The following FTH1 variants were observed in gnomAD, a reference collection of about 807,000 sequenced individuals.
The protein encoded by FTH1 is ferritin heavy chain.
A neutral mutation model predicts 21.8 loss-of-function variants in FTH1; 3 were observed. The observed-to-expected ratio is 0.14, with a 90% CI of 0.06 to 0.36. The LOEUF is 0.36. Among genes scored for constraint, FTH1 ranks in the 10% least tolerant of loss-of-function variants. FTH1 has a pLI of 1.00. For missense variants in FTH1, 147 were observed against 225.8 expected, an observed-to-expected ratio of 0.65 and a Z score of 2.24; for synonymous variants, 83 against 90.1, an observed-to-expected ratio of 0.92 and a Z score of 0.45.
chr11:61,965,545 T>C, intron 1 of FTH1, 30 bp from the exon 2 acceptor site: 3 of 1,599,146 alleles, frequency 1.9e-6, no homozygotes, highest in South Asian at 1.1e-5. Flanking sequence ...TGTGTTATAC[T>C]AGGGATCCCC....
intron 2 of FTH1, 30 bp from the exon 3 acceptor site, chr11:61,965,142 C>G: frequency 6.2e-7 from 1 of 1,602,614 alleles, no homozygotes; most frequent in Non-Finnish European, 8.5e-7. Flanking sequence ...TGCATCTCTA[C>G]CAACTAACCT....
At chr11:61,966,872 T>C (rs1172878319) in intron 1 of FTH1, 1 of 157,924 alleles carries the variant, frequency 6.3e-6, no homozygotes, top group Non-Finnish European at 1.4e-5. Flanking sequence ...TTCGACACCG[T>C]TACCCAGCAG....
Position 61,967,530 on chromosome 11 carries a change from G to C in FTH1, c.-105C>G. On this transcript the variant is annotated 5_prime_UTR_variant, in exon 1 of 4. Transcript: ENST00000273550. ...GAGGGTGCGGTGAAGAGGTGACGGAGGGCTGGCTATGGGCGGCCGGCCGGG... is the reference window on the plus strand; with the variant it reads ...GAGGGTGCGGTGAAGAGGTGACGGACGGCTGGCTATGGGCGGCCGGCCGGG... 1 of 823,648 alleles carries C rather than the reference G, an allele frequency of 1.2e-6. No homozygotes were observed. The highest frequency in any genetic ancestry group is 2.0e-6 in the Non-Finnish European group (1 of 500,684). The allele number at this position is 823,648 out of a possible 1,614,324, so 51.0% of individuals were successfully genotyped here. A position where few individuals can be genotyped will look rare whatever the true frequency, so the allele number is the denominator to read the frequency against.
chr11:61,964,396 A>C lies in FTH1; in HGVS notation c.*331T>G. The C allele has an allele frequency of 6.1e-6, 4 of 654,904 alleles. No homozygotes were observed. Among genetic ancestry groups the C allele is most frequent in the Non-Finnish European group, 1.0e-5 (4 of 389,468 alleles). 40.6% of individuals were successfully genotyped at this position (654,904 alleles called of 1,614,324 possible). ...GTCGGGAACCCTTAGTTCTATCTGA[A>C]TCCAAGACAGCCACACCTTAGTATA... is the stretch of plus-strand genomic sequence containing the variant. On this transcript the variant is annotated 3_prime_UTR_variant, in exon 4 of 4. Coordinates refer to ENST00000273550, the MANE Select transcript of FTH1 (RefSeq NM_002032.3).
In FTH1 at chr11:61,965,079, T is replaced by C; in HGVS notation, c.295A>G (p.Asn99Asp). The change falls in exon 3 of 4, where the codon AAT (asparagine) becomes GAT (aspartate). Residue 99 changes from asparagine to aspartate, a missense_variant. Coordinates refer to ENST00000273550, the MANE Select transcript of FTH1 (RefSeq NM_002032.3). ...AAATGTAATGCACACTCCATTGCATTCAGCCCGCTCTCCCAGTCATCACAG... is the reference window on the plus strand; with the variant it reads ...AAATGTAATGCACACTCCATTGCATCCAGCCCGCTCTCCCAGTCATCACAG... Reference protein sequence around the residue: ...PDCDDWESGLNAMECALHLEK... With the variant: ...PDCDDWESGLDAMECALHLEK... The C allele has an allele frequency of 6.2e-7, 1 of 1,608,008 alleles. No individual in the cohort carries two copies. The highest frequency in any genetic ancestry group is 8.5e-7 in the Non-Finnish European group (1 of 1,179,978).
chr11:61,964,702 G>A lies in FTH1; in HGVS notation c.*25C>T, dbSNP rs756494937. On this transcript the variant is annotated 3_prime_UTR_variant, in exon 4 of 4. Coordinates refer to ENST00000273550, the MANE Select transcript of FTH1 (RefSeq NM_002032.3). The stretch of plus-strand genomic sequence containing the variant: ...TTGGTGACCAGGGAAGTCACCCCAC[G>A]GCTATGGGGAAATTAGCCCGAGGCT... The A allele has an allele frequency of 1.0e-5, 16 of 1,597,000 alleles. No homozygotes were observed. Among genetic ancestry groups the A allele is most frequent in the African/African-American group, 9.4e-5 (7 of 74,834 alleles).
At position 61,964,367 on chromosome 11, in the gene FTH1, CAG is replaced by C. The variant is rs1331995822; in HGVS notation, c.*358_*359del. 1.3e-6 allele frequency: 1 copy of C among 773,548 alleles called. No homozygotes were observed. Among genetic ancestry groups the C allele is most frequent in the Non-Finnish European group, 2.0e-6 (1 of 496,036 alleles). 47.9% of individuals were successfully genotyped at this position (773,548 alleles called of 1,614,324 possible). On this transcript the variant is annotated 3_prime_UTR_variant, in exon 4 of 4. Transcript: ENST00000273550. Reference sequence around the variant, plus strand: ...AAACATTTAACTCAGACTCTGGATTCAGAGTCGGGAACCCTTAGTTCTATCTG... The same window carrying C: ...AAACATTTAACTCAGACTCTGGATTCAGTCGGGAACCCTTAGTTCTATCTG...
At chr11:61,965,183 C>G in intron 2 of FTH1, 71 bp from the exon 3 acceptor site, 1 of 1,601,032 alleles carries the variant, frequency 6.2e-7, no homozygotes, top group Non-Finnish European at 8.5e-7. Context: ...TCTCTAACCA[C>G]CACGTTTTGG....
Position 61,965,017 on chromosome 11 carries a change from G to A in FTH1, c.357C>T (p.His119=), listed in dbSNP as rs752558122. 5.0e-6 allele frequency: 8 copies of A among 1,613,802 alleles called. No homozygotes were observed. The Admixed American group carries it at 1.3e-4, about 27-fold the overall frequency. Reference sequence around the variant, plus strand: ...GGTCATTTTTGTCAGTGGCCAGTTTGTGCAGTTCCAGTAGTGACTGATTCA... The same window carrying A: ...GGTCATTTTTGTCAGTGGCCAGTTTATGCAGTTCCAGTAGTGACTGATTCA... ...KNVNQSLLEL[H]KLATDKNDPH... is the part of the protein sequence containing the mutation. The change falls in exon 3 of 4, where the codon CAC becomes CAT. Residue 119 remains histidine (H), a synonymous_variant. Coordinates refer to ENST00000273550, the MANE Select transcript of FTH1 (RefSeq NM_002032.3).
At chr11:61,965,194 C>T in intron 2 of FTH1, 82 bp from the exon 3 acceptor site, 1 of 1,598,196 alleles carries the variant, frequency 6.3e-7, no homozygotes, top group Non-Finnish European at 8.5e-7. Context: ...CACGTTTTGG[C>T]AAAAGGGACA....
Position 61,964,519 on chromosome 11 carries a change from G to C in FTH1, c.*208C>G, listed in dbSNP as rs1369465954. On this transcript the variant is annotated 3_prime_UTR_variant, in exon 4 of 4. Coordinates refer to ENST00000273550, the MANE Select transcript of FTH1 (RefSeq NM_002032.3). The stretch of plus-strand genomic sequence containing the variant: ...CGGCACTTAAGGAATCTGGAAGATA[G>C]CCTGGATAGATTTCTGATTCATCCC... 7 of 653,006 alleles carry C rather than the reference G, an allele frequency of 1.1e-5. No homozygotes were observed. The highest frequency in any genetic ancestry group is 3.8e-5 in the South Asian group (2 of 52,848). 40.5% of individuals were successfully genotyped at this position (653,006 alleles called of 1,614,324 possible). A position where few individuals can be genotyped will look rare whatever the true frequency, so the allele number is the denominator to read the frequency against.
chr11:61,967,408 G>C lies in FTH1; in HGVS notation c.18C>G (p.Thr6=). The change falls in exon 1 of 4, where the codon ACC becomes ACG. Residue 6 remains threonine (T), a synonymous_variant. Transcript: ENST00000273550. ...GGTGGTAGTTCTGGCGCACCTGCGA[G>C]GTGGACGCGGTCGTCATGGCGGCGA... MTTAS[T]SQVRQNYHQD... 1.2e-6 allele frequency: 2 copies of C among 1,602,962 alleles called. No individual in the cohort carries two copies. The highest frequency in any genetic ancestry group is 1.7e-6 in the Non-Finnish European group (2 of 1,176,238).
At position 61,967,106 on chromosome 11, in the gene FTH1, G is replaced by A. The variant is rs564732275; in HGVS notation, c.114+206C>T. 12 of 399,166 alleles carry A rather than the reference G, an allele frequency of 3.0e-5. No individual in the cohort carries two copies. In the South Asian group the frequency reaches 5.3e-4, roughly 18 times the overall value. The allele number at this position is 399,166 out of a possible 1,614,324, so 24.7% of individuals were successfully genotyped here. ...AGAGGCGGCCCTGGCCTAGGAGGGA[G>A]CATTCTCAGGGTACAGCCGAGAAGA... On this transcript the variant is annotated intron_variant, in intron 1 of 3. Coordinates refer to ENST00000273550, the MANE Select transcript of FTH1 (RefSeq NM_002032.3).
chr11:61,967,387 G>A lies in FTH1; in HGVS notation c.39C>T (p.Tyr13=), dbSNP rs1942485008. The change falls in exon 1 of 4, where the codon TAC becomes TAT. Residue 13 remains tyrosine (Y), a synonymous_variant. Transcript: ENST00000273550. ...TASTSQVRQN[Y]HQDSEAAINR... Reference sequence around the variant, plus strand: ...TGATGGCGGCCTCTGAGTCCTGGTGGTAGTTCTGGCGCACCTGCGAGGTGG... The same window carrying A: ...TGATGGCGGCCTCTGAGTCCTGGTGATAGTTCTGGCGCACCTGCGAGGTGG... 1 of 1,606,592 alleles carries A rather than the reference G, an allele frequency of 6.2e-7. No homozygotes were observed. Among genetic ancestry groups the A allele is most frequent in the Non-Finnish European group, 8.5e-7 (1 of 1,177,216 alleles).
intron 1 of FTH1, among the ~76,000 whole-genome samples, chr11:61,965,823 T>TA (rs1407900007): frequency 6.6e-6 from 1 of 152,216 alleles, no homozygotes; most frequent in Non-Finnish European, 1.5e-5. Flanking sequence ...ACAGAAAACT[T>TA]ACAGCCAGTG....
At chr11:61,965,844 TTGTC>T (rs1942444933) in intron 1 of FTH1, among the ~76,000 whole-genome samples, 1 of 152,320 alleles carries the variant, frequency 6.6e-6, no homozygotes, top group Middle Eastern at 3.4e-3. Flanking sequence ...TCAGAATTCA[TTGTC>T]TGATGAGAGG....
chr11:61,965,501 G>A lies in FTH1; in HGVS notation c.129C>T (p.Asp43=), dbSNP rs374301256. The A allele has an allele frequency of 1.9e-6, 3 of 1,601,892 alleles. No individual in the cohort carries two copies. The African/African-American group carries it at 4.0e-5, about 21-fold the overall frequency. Residue 43 remains aspartate, a synonymous_variant, in exon 2 of 4, where the codon GAC becomes GAT. Coordinates refer to ENST00000273550, the MANE Select transcript of FTH1 (RefSeq NM_002032.3). ...AGTTCTTCAAAGCCACATCATCGCG[G>A]TCAAAGTAGTAAGACTGAAAGGGGA... is the stretch of plus-strand genomic sequence containing the variant. The part of the protein sequence containing the change: ...YVYLSMSYYF[D]RDDVALKNFA...
At chr11:61,967,242 G>T in intron 1 of FTH1, 70 bp downstream of exon 1, 2 of 976,220 alleles carry the variant, frequency 2.0e-6, no homozygotes, top group Non-Finnish European at 2.9e-6. Flanking sequence ...CCACACCCCC[G>T]GCCCGCCCCA....
rs972390770 is a variant in FTH1 at position 61,964,495 on chromosome 11, G to A, written c.*232C>T. 24 of 626,442 alleles carry A rather than the reference G, an allele frequency of 3.8e-5. No homozygotes were observed. Among genetic ancestry groups the A allele is most frequent in the South Asian group, 1.2e-4 (6 of 50,950 alleles). The allele number at this position is 626,442 out of a possible 1,614,324, so 38.8% of individuals were successfully genotyped here. On this transcript the variant is annotated 3_prime_UTR_variant, in exon 4 of 4. Transcript: ENST00000273550. ...ATTAGTGTGATTAGAACTGAACAAC[G>A]GCACTTAAGGAATCTGGAAGATAGC...
Sources: gnomAD v4.1 joint callset for allele counts (sites outside exome capture counted in the v4.1 genomes callset) on GRCh38, gnomAD v4.1.1 for gene constraint, MANE v1.5 for transcripts, NCBI Gene and HGNC (gene_info 2026-07-23, HGNC 2026-07-21) for gene names.